Variants in ASIC5 observed in about 807,000 individuals in gnomAD.
The protein encoded by ASIC5 is acid sensing ion channel subunit family member 5.
A neutral mutation model predicts 51.2 loss-of-function variants in ASIC5; 52 were observed. The observed-to-expected ratio is 1.02, with a 90% CI of 0.81 to 1.28. The LOEUF is 1.28. Ranked by LOEUF, ASIC5 falls within the 50% of genes most tolerant of loss-of-function variation. The pLI, the probability that ASIC5 is intolerant of heterozygous loss-of-function variation, is 0.00. For synonymous variants in ASIC5, 231 were observed against 200.7 expected (o/e 1.15, Z -1.28); for missense variants, 635 against 595.0 (o/e 1.07, Z -0.70).
intron 4 of ASIC5, among the ~76,000 whole-genome samples, chr4:155,849,843 T>C (rs1228549169): frequency 6.6e-6 from 1 of 152,084 alleles, no homozygotes; most frequent in Non-Finnish European, 1.5e-5. Context: ...TTTACATACA[T>C]AAGCCACTTT....
chr4:155,831,905 C>A lies in ASIC5; in HGVS notation c.1246G>T (p.Val416Leu). ...TCACTATAGTTAATTTCAATTTTTACAAGATTCTCCCTAGGGATAAAAAAG... is the reference window on the plus strand; with the variant it reads ...TCACTATAGTTAATTTCAATTTTTAAAAGATTCTCCCTAGGGATAAAAAAG... ...QSRKYIRENL[V>L]KIEINYSDLN... The change falls in exon 9 of 10, where the codon GTA (valine) becomes TTA (leucine). Residue 416 changes from valine to leucine, a missense_variant. Transcript: ENST00000537611. 6.4e-7 allele frequency: 1 copy of A among 1,560,296 alleles called. No homozygotes were observed. Among genetic ancestry groups the A allele is most frequent in the Non-Finnish European group, 8.8e-7 (1 of 1,133,774 alleles).
In ASIC5 at chr4:155,859,260, A is replaced by G. The variant is rs1239229997; in HGVS notation, c.347+4188T>C. On this transcript the variant is annotated intron_variant, in intron 2 of 9. Transcript: ENST00000537611. ...AAAAATATGTCAGTGTCCAAAAAGT[A>G]TTAATGCATTACTTTTTCTTATTTT... 2.6e-5 allele frequency among the ~76,000 whole-genome samples: 4 copies of G among 152,218 alleles called. No homozygotes were observed. The South Asian group carries it at 6.2e-4, about 24-fold the overall frequency.
rs1253880870 is a variant in ASIC5, at chr4:155,829,917, G to T, written c.1457C>A (p.Thr486Asn). ...ATTCTGAGGTGGAGGAGTCCACTGG[G>T]TCATTTCAGATATCTTCAGCAAAAA... is the stretch of plus-strand genomic sequence containing the variant. ...IFFLLKISEMTQWTPPPQNHL... is the reference protein window; with the variant it reads ...IFFLLKISEMNQWTPPPQNHL... Residue 486 changes from threonine to asparagine, a missense_variant, in exon 10 of 10, where the codon ACC (threonine) becomes AAC (asparagine). By Grantham distance (65) the Thr-to-Asn change is moderately conservative. Transcript: ENST00000537611. 31 of 1,604,556 alleles carry T rather than the reference G, an allele frequency of 1.9e-5. No homozygotes were observed. The highest frequency in any genetic ancestry group is 2.6e-5 in the Non-Finnish European group (30 of 1,176,338).
intron 8 of ASIC5, among the ~76,000 whole-genome samples, chr4:155,833,784 G>T (rs1025218871): frequency 3.3e-5 from 5 of 152,148 alleles, no homozygotes; most frequent in African/African-American, 9.6e-5. Flanking sequence ...TGTGATATTT[G>T]CTCAACTTCT....
intron 4 of ASIC5, among the ~76,000 whole-genome samples, chr4:155,849,571 A>G (rs1741331767): frequency 6.6e-6 from 1 of 152,028 alleles, no homozygotes; most frequent in African/African-American, 2.4e-5. Flanking sequence ...AGAGAGAAAA[A>G]TTATGTTTCC....
At chr4:155,860,534 C>G (rs985719715) in intron 2 of ASIC5, among the ~76,000 whole-genome samples, 1 of 151,798 alleles carries the variant, frequency 6.6e-6, no homozygotes, top group Admixed American at 6.6e-5. Context: ...AATTATCTTT[C>G]TGTAAAATTA....
chr4:155,836,462 G>A (rs1560740677), intron 8 of ASIC5, among the ~76,000 whole-genome samples: 2 of 152,142 alleles, frequency 1.3e-5, no homozygotes, highest in South Asian at 4.1e-4. Context: ...TCATGAGCAA[G>A]TTACTCAAGC....
chr4:155,837,911 GT>G lies in ASIC5; in HGVS notation c.1066+901del, dbSNP rs545336979. ...CAGTCCCCGCTAAACTGCATGCATG[GT>G]TTTTTTCCCCAAGCTCTCCCTCCAG... is the stretch of plus-strand genomic sequence containing the variant. On this transcript the variant is annotated intron_variant, in intron 7 of 9. Coordinates refer to ENST00000537611, the MANE Select transcript of ASIC5 (RefSeq NM_017419.3). Among the ~76,000 whole-genome samples, 3 of 151,982 alleles carry G rather than the reference GT, an allele frequency of 2.0e-5. No individual in the cohort carries two copies. In the East Asian group the frequency reaches 5.8e-4, roughly 29 times the overall value.
intron 1 of ASIC5, among the ~76,000 whole-genome samples, chr4:155,865,800 A>G (rs1741847699): frequency 6.6e-6 from 1 of 152,160 alleles, no homozygotes; most frequent in Non-Finnish European, 1.5e-5. Flanking sequence ...TGGAGTATAT[A>G]CAGTGTCATT....
intron 3 of ASIC5, among the ~76,000 whole-genome samples, 155 bp downstream of exon 3, chr4:155,853,922 C>T (rs567845640): frequency 1.3e-5 from 2 of 152,004 alleles, no homozygotes; most frequent in African/African-American, 2.4e-5. Context: ...GTATTCCATA[C>T]CCCTGATATC....
intron 9 of ASIC5, among the ~76,000 whole-genome samples, chr4:155,831,341 TAC>T (rs1336156886): frequency 6.6e-6 from 1 of 152,182 alleles, no homozygotes; most frequent in African/African-American, 2.4e-5. Flanking sequence ...TGTGAGGTTG[TAC>T]AGTGTTTTCT....
chr4:155,849,340 G>A (rs901432946), intron 4 of ASIC5, among the ~76,000 whole-genome samples: 1 of 151,994 alleles, frequency 6.6e-6, no homozygotes, highest in African/African-American at 2.4e-5. Flanking sequence ...CAAATCTACG[G>A]CTGGGCTCGG....
chr4:155,839,904 T>C (rs1412373086), intron 6 of ASIC5, among the ~76,000 whole-genome samples: 1 of 152,114 alleles, frequency 6.6e-6, no homozygotes, highest in Non-Finnish European at 1.5e-5. Flanking sequence ...ATTTTGGAAA[T>C]AACCAATATC....
intron 4 of ASIC5, among the ~76,000 whole-genome samples, chr4:155,847,906 C>G (rs1489638359): frequency 1.3e-5 from 2 of 151,938 alleles, no homozygotes; most frequent in Admixed American, 6.6e-5. Context: ...CTGTCAAAGG[C>G]ACAATGATGC....
chr4:155,831,180 T>C (rs1159109758), intron 9 of ASIC5, among the ~76,000 whole-genome samples: 5 of 152,180 alleles, frequency 3.3e-5, no homozygotes, highest in Non-Finnish European at 7.3e-5. Context: ...GGTAGAGCCC[T>C]GTGTGGAGGT....
chr4:155,835,423 A>G (rs1176876183), intron 8 of ASIC5, among the ~76,000 whole-genome samples: 2 of 151,970 alleles, frequency 1.3e-5, no homozygotes, highest in African/African-American at 4.8e-5. Context: ...AAAAAAAAAA[A>G]AAAAGAAAAA....
intron 6 of ASIC5, 133 bp from the exon 7 acceptor site, chr4:155,839,002 A>G: frequency 1.7e-6 from 1 of 577,386 alleles, no homozygotes; most frequent in Non-Finnish European, 3.1e-6. Context: ...ATGAACATCT[A>G]TTCTTTCATA....
chr4:155,840,053 C>G (rs1252962925), intron 6 of ASIC5, among the ~76,000 whole-genome samples: 1 of 152,136 alleles, frequency 6.6e-6, no homozygotes, highest in East Asian at 1.9e-4. Context: ...CAAATAAGAT[C>G]ATATTCCTGA....
intron 6 of ASIC5, among the ~76,000 whole-genome samples, chr4:155,840,409 T>G (rs1741088841): frequency 6.8e-6 from 1 of 148,012 alleles, no homozygotes; most frequent in African/African-American, 2.4e-5. Context: ...ATATCTTTTT[T>G]ACTTTTATTA....
Sources: gnomAD v4.1 joint callset for allele counts (sites outside exome capture counted in the v4.1 genomes callset) on GRCh38, gnomAD v4.1.1 for gene constraint, MANE v1.5 for transcripts, NCBI Gene and HGNC (gene_info 2026-07-23, HGNC 2026-07-21) for gene names.